Variants in ZBTB20 observed in about 807,000 individuals in gnomAD.
ZBTB20 encodes zinc finger and BTB domain containing 20, also known as zinc finger and BTB domain-containing protein 20.
Under a neutral mutation model 56.9 loss-of-function variants are expected in ZBTB20, and 9 were observed. The ratio of observed to expected loss-of-function variants is 0.16; its 90% CI spans 0.10 to 0.28. The LOEUF (loss-of-function observed/expected upper bound fraction) is 0.28. ZBTB20 is among the 10% of genes least tolerant of loss of function. The pLI, the probability that ZBTB20 is intolerant of heterozygous loss-of-function variation, is 1.00. For synonymous variants in ZBTB20, 417 were observed against 420.7 expected, an observed-to-expected ratio of 0.99 and a Z score of 0.11; for missense variants, 655 against 1,003.0, an observed-to-expected ratio of 0.65 and a Z score of 4.69.
chr3:114,947,452 T>C lies in ZBTB20; in HGVS notation c.-456+26914A>G, dbSNP rs1331988091. On this transcript the variant is annotated intron_variant, in intron 3 of 11. Transcript: ENST00000675478. ...TTGGATTAAAAATGTGAAATATATATGTAATAGGATACTATCCAGCTATAA... is the reference window on the plus strand; with the variant it reads ...TTGGATTAAAAATGTGAAATATATACGTAATAGGATACTATCCAGCTATAA... 6.8e-5 allele frequency among the ~76,000 whole-genome samples: 10 copies of C among 146,242 alleles called. 4 individuals are homozygous for C. The highest frequency in any genetic ancestry group is 2.8e-4 in the African/African-American group (10 of 36,124).
chr3:114,987,205 T>G (rs1455254583), intron 2 of ZBTB20, among the ~76,000 whole-genome samples: 1 of 152,102 alleles, frequency 6.6e-6, no homozygotes, highest in Non-Finnish European at 1.5e-5. Flanking sequence ...TAAAACCACT[T>G]GAGAATCCCA....
intron 2 of ZBTB20, among the ~76,000 whole-genome samples, chr3:115,020,047 G>T (rs1436429904): frequency 6.6e-6 from 1 of 151,206 alleles, no homozygotes; most frequent in African/African-American, 2.4e-5. Context: ...TGGAAATGAA[G>T]TATTTGCTCT....
intron 7 of ZBTB20, among the ~76,000 whole-genome samples, chr3:114,477,962 CCTCT>C (rs144916161): frequency 1.4e-3 from 158 of 111,966 alleles, no homozygotes; most frequent in Non-Finnish European, 2.0e-3. Context: ...TCCCACCCTC[CCTCT>C]CTCTCTCTCT....
intron 5 of ZBTB20, among the ~76,000 whole-genome samples, chr3:114,760,815 A>T (rs998255326): frequency 3.3e-5 from 5 of 152,106 alleles, no homozygotes; most frequent in African/African-American, 1.2e-4. Context: ...TTCTTTTACT[A>T]TGGGCAGGCT....
intron 1 of ZBTB20, among the ~76,000 whole-genome samples, chr3:115,142,832 A>C (rs1162344649): frequency 6.6e-6 from 1 of 152,186 alleles, no homozygotes; most frequent in African/African-American, 2.4e-5. Context: ...TTCCTGGAAG[A>C]GGCTGATTAT....
chr3:115,018,328 CCA>C (rs1443429443), intron 2 of ZBTB20, among the ~76,000 whole-genome samples: 1 of 150,948 alleles, frequency 6.6e-6, no homozygotes, highest in Admixed American at 6.6e-5. Flanking sequence ...ATAAAATTAA[CCA>C]CAGACTATAA....
intron 4 of ZBTB20, among the ~76,000 whole-genome samples, chr3:114,841,524 T>C (rs999670786): frequency 1.3e-5 from 2 of 152,140 alleles, no homozygotes; most frequent in Non-Finnish European, 2.9e-5. Context: ...GATGGTACCC[T>C]GGATGAGAGT....
chr3:114,639,855 C>T (rs927214207), intron 6 of ZBTB20, among the ~76,000 whole-genome samples: 4 of 151,968 alleles, frequency 2.6e-5, no homozygotes, highest in African/African-American at 9.7e-5. Context: ...TAGCAAGACA[C>T]ATGGATGGCA....
At chr3:114,390,065 T>A (rs1463319311) in intron 7 of ZBTB20, among the ~76,000 whole-genome samples, 1 of 152,198 alleles carries the variant, frequency 6.6e-6, no homozygotes, top group African/African-American at 2.4e-5. Context: ...AAATTTTGTG[T>A]CCTTTGACTG....
intron 7 of ZBTB20, among the ~76,000 whole-genome samples, chr3:114,433,241 A>G (rs1304698553): frequency 2.0e-5 from 3 of 152,188 alleles, no homozygotes; most frequent in African/African-American, 7.2e-5. Flanking sequence ...AACCACTTGG[A>G]ATGAAATCCC....
Position 114,329,728 on chromosome 3 carries a change from A to AC in ZBTB20, c.*9276_*9277insG, listed in dbSNP as rs1576193090. The stretch of plus-strand genomic sequence containing the variant: ...TTTTTGGAAAAAAAAAAAAAAAAAA[A>AC]AAAAAAAAACAACTCCCAGGAAAAT... On this transcript the variant is annotated 3_prime_UTR_variant, in exon 12 of 12. Transcript: ENST00000675478. The AC allele has an allele frequency of 1.3e-5, 2 of 148,528 alleles. No homozygotes were observed. Among genetic ancestry groups the AC allele is most frequent in the Admixed American group, 6.7e-5 (1 of 14,916 alleles). The allele number at this position is 148,528 out of a possible 1,614,324, so 9.2% of individuals were successfully genotyped here. A position where few individuals can be genotyped will look rare whatever the true frequency, so the allele number is the denominator to read the frequency against.
At chr3:114,576,501 C>CAAAAAAAAAAAAAAAA (rs61714991) in intron 6 of ZBTB20, among the ~76,000 whole-genome samples, 2 of 24,112 alleles carry the variant, frequency 8.3e-5, no homozygotes, top group African/African-American at 1.4e-4. Flanking sequence ...GACTCCGTCT[C>CAAAAAAAAAAAAAAAA]AAAAAAAAAA....
intron 5 of ZBTB20, among the ~76,000 whole-genome samples, chr3:114,724,546 C>T (rs1354919017): frequency 6.6e-6 from 1 of 152,188 alleles, no homozygotes; most frequent in East Asian, 1.9e-4. Context: ...AATTCAACTA[C>T]TAGTTGGGTG....
At chr3:115,069,913 T>C (rs778381746) in intron 2 of ZBTB20, among the ~76,000 whole-genome samples, 15 of 152,198 alleles carry the variant, frequency 9.9e-5, no homozygotes, top group Non-Finnish European at 1.9e-4. Context: ...CAAAAGGACA[T>C]TGAGATACAG....
At chr3:115,053,343 T>C (rs1461683557) in intron 2 of ZBTB20, among the ~76,000 whole-genome samples, 3 of 152,196 alleles carry the variant, frequency 2.0e-5, no homozygotes, top group Non-Finnish European at 2.9e-5. Flanking sequence ...CAGAACCATA[T>C]AAAGTAACTG....
intron 2 of ZBTB20, among the ~76,000 whole-genome samples, chr3:115,063,491 C>T (rs1271400251): frequency 6.6e-6 from 1 of 152,174 alleles, no homozygotes; most frequent in Non-Finnish European, 1.5e-5. Context: ...AGGGCCCCAC[C>T]TTCATGGCCT....
chr3:114,342,385 C>T (rs1560097928), intron 11 of ZBTB20, among the ~76,000 whole-genome samples: 1 of 152,076 alleles, frequency 6.6e-6, no homozygotes, highest in Admixed American at 6.5e-5. Flanking sequence ...TCAGGAATGG[C>T]AAGTCTGATT....
intron 2 of ZBTB20, among the ~76,000 whole-genome samples, chr3:114,988,366 C>T (rs967616533): frequency 7.3e-5 from 11 of 150,948 alleles, no homozygotes; most frequent in African/African-American, 2.4e-5. Context: ...GTTTTTTGTC[C>T]TTGTGATAGT....
intron 4 of ZBTB20, among the ~76,000 whole-genome samples, chr3:114,860,555 A>G (rs1048202666): frequency 6.6e-6 from 1 of 152,244 alleles, no homozygotes; most frequent in African/African-American, 2.4e-5. Flanking sequence ...ATTACAACAG[A>G]TAGCCCTCAT....
Sources: allele counts gnomAD v4.1 joint callset (sites outside exome capture counted in the v4.1 genomes callset), GRCh38; gene constraint gnomAD v4.1.1; transcripts MANE v1.5; gene names NCBI Gene and HGNC (gene_info 2026-07-23, HGNC 2026-07-21).